PPM1H: variants seen among roughly 807,000 people sequenced by gnomAD.
The protein encoded by PPM1H is protein phosphatase, Mg2+/Mn2+ dependent 1H.
Under a neutral mutation model 54.9 loss-of-function variants are expected in PPM1H, and 27 were observed. That is an observed-to-expected ratio of 0.49 (90% CI 0.36 to 0.68). The LOEUF (loss-of-function observed/expected upper bound fraction) is 0.68. Among genes scored for constraint, PPM1H ranks in the 30% least tolerant of loss-of-function variants. The pLI, the probability that PPM1H is intolerant of heterozygous loss-of-function variation, is 0.00. For missense variants in PPM1H, 596 were observed against 667.8 expected (o/e 0.89, Z 1.19); for synonymous variants, 305 against 270.8 (o/e 1.13, Z -1.24).
At chr12:62,829,757 C>G (rs1315777268) in intron 2 of PPM1H, among the ~76,000 whole-genome samples, 1 of 152,126 alleles carries the variant, frequency 6.6e-6, no homozygotes, top group Non-Finnish European at 1.5e-5. Context: ...TTCTTAAGGA[C>G]AAGAAGTTAA....
chr12:62,776,551 A>G (rs575546709), intron 4 of PPM1H, among the ~76,000 whole-genome samples: 21 of 152,346 alleles, frequency 1.4e-4, no homozygotes, highest in African/African-American at 5.1e-4. Context: ...TGAAGGGCTG[A>G]ACCATACTTG....
intron 1 of PPM1H, among the ~76,000 whole-genome samples, chr12:62,867,645 T>TCGGCTCACTGCAAGCTC (rs1484431089): frequency 1.5e-5 from 2 of 135,114 alleles, no homozygotes; most frequent in Non-Finnish European, 3.1e-5. Context: ...TGGCGCGATC[T>TCGGCTCACTGCAAGCTC]CGGCTCACTG....
At chr12:62,880,816 C>A (rs550273322) in intron 1 of PPM1H, among the ~76,000 whole-genome samples, 1 of 152,274 alleles carries the variant, frequency 6.6e-6, no homozygotes, top group East Asian at 1.9e-4. Context: ...TCCAGGTGCT[C>A]GCCCTGCTAC....
At chr12:62,654,045 C>T (rs1270624402) in intron 9 of PPM1H, among the ~76,000 whole-genome samples, 1 of 151,752 alleles carries the variant, frequency 6.6e-6, no homozygotes, top group African/African-American at 2.4e-5. Context: ...GAGTTAGACA[C>T]CAGCCTAGGC....
At chr12:62,796,992 A>G (rs899518734) in intron 3 of PPM1H, among the ~76,000 whole-genome samples, 3 of 152,176 alleles carry the variant, frequency 2.0e-5, no homozygotes, top group Non-Finnish European at 4.4e-5. Flanking sequence ...AGGATACAAA[A>G]AGATACTTAT....
At chr12:62,759,290 C>G (rs2076493057) in intron 4 of PPM1H, among the ~76,000 whole-genome samples, 1 of 152,232 alleles carries the variant, frequency 6.6e-6, no homozygotes, top group Non-Finnish European at 1.5e-5. Flanking sequence ...AAGAGATCCA[C>G]CTATGACATC....
chr12:62,778,503 G>T (rs2076623857), intron 4 of PPM1H, among the ~76,000 whole-genome samples: 1 of 152,166 alleles, frequency 6.6e-6, no homozygotes, highest in Non-Finnish European at 1.5e-5. Context: ...TGCCTCAAGA[G>T]CTCTTGGAAG....
chr12:62,735,400 T>A (rs186273936), intron 5 of PPM1H, among the ~76,000 whole-genome samples: 17 of 152,058 alleles, frequency 1.1e-4, no homozygotes, highest in African/African-American at 4.1e-4. Context: ...ATTTGTTTTG[T>A]AGAGACAGCA....
At position 62,915,958 on chromosome 12, in the gene PPM1H, G is replaced by C. The variant is rs74808154; in HGVS notation, c.245+18534C>G. ...CTCTACACAAAACCTGTTCTTCCAG[G>C]GTTCGAACAGTCAGTCAGCTTTGCT... is the stretch of plus-strand genomic sequence containing the variant. On this transcript the variant is annotated intron_variant, in intron 1 of 9. Coordinates refer to ENST00000228705, the MANE Select transcript of PPM1H (RefSeq NM_020700.2). 6.2e-3 allele frequency among the ~76,000 whole-genome samples: 945 copies of C among 152,100 alleles called. 3 individuals carry two copies. The highest frequency in any genetic ancestry group is 9.4e-3 in the Non-Finnish European group (636 of 67,998).
At chr12:62,735,299 C>A (rs1456517713) in intron 5 of PPM1H, among the ~76,000 whole-genome samples, 1 of 151,980 alleles carries the variant, frequency 6.6e-6, no homozygotes, top group African/African-American at 2.4e-5. Context: ...GCAACCTCTG[C>A]CTTCTGGGCT....
intron 9 of PPM1H, among the ~76,000 whole-genome samples, chr12:62,661,796 C>T (rs1427864132): frequency 2.0e-5 from 3 of 152,166 alleles, no homozygotes; most frequent in Middle Eastern, 3.2e-3. Flanking sequence ...AAGCCATCTT[C>T]CTGCTTCAGC....
chr12:62,769,740 A>G (rs1455982470), intron 4 of PPM1H, among the ~76,000 whole-genome samples: 1 of 152,232 alleles, frequency 6.6e-6, no homozygotes, highest in African/African-American at 2.4e-5. Context: ...TTGCCAACTT[A>G]AGTTAAGGAA....
At chr12:62,660,650 A>G (rs11174590) in intron 9 of PPM1H, among the ~76,000 whole-genome samples, 32,564 of 152,182 alleles carry the variant, frequency 0.21, 3,819 homozygotes, top group Middle Eastern at 0.33. Flanking sequence ...CAGAAAAAGG[A>G]AACCAGAGCC....
At chr12:62,775,073 A>G (rs1198292307) in intron 4 of PPM1H, among the ~76,000 whole-genome samples, 1 of 152,218 alleles carries the variant, frequency 6.6e-6, no homozygotes, top group Non-Finnish European at 1.5e-5. Context: ...CATTACTGTT[A>G]TTTTTTAAAT....
intron 4 of PPM1H, among the ~76,000 whole-genome samples, chr12:62,747,818 A>G (rs899600517): frequency 1.3e-5 from 2 of 152,260 alleles, no homozygotes; most frequent in Non-Finnish European, 2.9e-5. Flanking sequence ...GCCTCAGTAG[A>G]AAGCTTTGCC....
At chr12:62,696,241 A>G (rs2076114522) in intron 6 of PPM1H, among the ~76,000 whole-genome samples, 1 of 152,214 alleles carries the variant, frequency 6.6e-6, no homozygotes, top group East Asian at 1.9e-4. Flanking sequence ...TCCATGTCCC[A>G]CAACTCTGAA....
At chr12:62,730,153 T>G (rs541582123) in intron 5 of PPM1H, among the ~76,000 whole-genome samples, 2 of 152,254 alleles carry the variant, frequency 1.3e-5, no homozygotes, top group South Asian at 4.1e-4. Context: ...TATCTCCCTT[T>G]GCTGACTCTC....
intron 4 of PPM1H, among the ~76,000 whole-genome samples, chr12:62,748,412 A>T (rs911866313): frequency 6.6e-6 from 1 of 152,128 alleles, no homozygotes; most frequent in Non-Finnish European, 1.5e-5. Context: ...TTGAGGCTCT[A>T]GTTTAAAAAA....
chr12:62,681,627 A>C (rs2076019394), intron 8 of PPM1H, among the ~76,000 whole-genome samples: 1 of 152,232 alleles, frequency 6.6e-6, no homozygotes, highest in Admixed American at 6.5e-5. Flanking sequence ...TTAAAAAAAG[A>C]AATTGTCCTA....
Sources: allele counts gnomAD v4.1 joint callset (sites outside exome capture counted in the v4.1 genomes callset), GRCh38; gene constraint gnomAD v4.1.1; transcripts MANE v1.5; gene names NCBI Gene and HGNC (gene_info 2026-07-23, HGNC 2026-07-21).